The following PSMD1 variants were observed in gnomAD, a reference collection of about 807,000 sequenced individuals.
PSMD1 encodes proteasome 26S subunit, non-ATPase 1.
Under a neutral mutation model 119.0 loss-of-function variants are expected in PSMD1, and 18 were observed. The ratio of observed to expected loss-of-function variants is 0.15; its 90% CI spans 0.10 to 0.22. PSMD1 has a LOEUF of 0.22. Among genes scored for constraint, PSMD1 ranks in the 10% least tolerant of loss-of-function variants. PSMD1 has a pLI of 1.00. For missense variants in PSMD1, 702 were observed against 1,158.5 expected, an observed-to-expected ratio of 0.61 and a Z score of 5.72; for synonymous variants, 374 against 396.6, an observed-to-expected ratio of 0.94 and a Z score of 0.68.
intron 4 of PSMD1, among the ~76,000 whole-genome samples, chr2:231,065,083 A>T (rs948551788): frequency 1.3e-5 from 2 of 148,238 alleles, no homozygotes; most frequent in Admixed American, 1.4e-4. Context: ...AACCCGGGTC[A>T]TCTAGTAGGC....
chr2:231,108,717 A>G, intron 16 of PSMD1: 1 of 1,614,120 alleles, frequency 6.2e-7, no homozygotes, highest in Non-Finnish European at 8.5e-7. Context: ...TTCCGGAAGT[A>G]GATCTTACTG....
chr2:231,108,974 AAC>A (rs1424793179), intron 16 of PSMD1: 8 of 1,614,192 alleles, frequency 5.0e-6, no homozygotes, highest in Non-Finnish European at 6.8e-6. Context: ...AAAGAGGAAA[AAC>A]ACAATCCCTA....
At chr2:231,111,789 A>G (rs1226333761) in intron 16 of PSMD1, among the ~76,000 whole-genome samples, 1 of 152,230 alleles carries the variant, frequency 6.6e-6, no homozygotes, top group Non-Finnish European at 1.5e-5. Flanking sequence ...TACAAAAGGA[A>G]GAAGTGGATT....
intron 16 of PSMD1, among the ~76,000 whole-genome samples, chr2:231,115,657 T>C (rs1213841706): frequency 6.6e-6 from 1 of 152,082 alleles, no homozygotes; most frequent in Non-Finnish European, 1.5e-5. Context: ...ACCTTAGAGA[T>C]TACCATTGAT....
At chr2:231,156,343 CATT>C (rs1220488892) in intron 19 of PSMD1, among the ~76,000 whole-genome samples, 1 of 152,054 alleles carries the variant, frequency 6.6e-6, no homozygotes, top group East Asian at 1.9e-4. Flanking sequence ...AATATTGACA[CATT>C]ATTATTAACT....
chr2:231,135,783 T>C (rs996107526), intron 16 of PSMD1, among the ~76,000 whole-genome samples: 8 of 152,312 alleles, frequency 5.3e-5, no homozygotes, highest in Middle Eastern at 3.4e-3. Context: ...ATACTGTTTT[T>C]CCCATACTGT....
At chr2:231,114,037 AT>A in intron 16 of PSMD1, 1 of 828,744 alleles carries the variant, frequency 1.2e-6, no homozygotes, top group South Asian at 1.4e-5. Context: ...CTCATCTGAA[AT>A]TTTATAACTT....
intron 16 of PSMD1, among the ~76,000 whole-genome samples, chr2:231,106,054 A>T (rs986573712): frequency 4.0e-4 from 56 of 140,514 alleles, no homozygotes; most frequent in Non-Finnish European, 6.1e-4. Context: ...CTAAATAGTT[A>T]TAATCTGTTC....
At position 231,077,181 on chromosome 2, in the gene PSMD1, A is replaced by C; in HGVS notation, c.1071+19A>C. ...CACAAAGGTAAGAAATTCATCAATAATAGAGGATTTTAAAAAATATTTAGT... is the reference window on the plus strand; with the variant it reads ...CACAAAGGTAAGAAATTCATCAATACTAGAGGATTTTAAAAAATATTTAGT... On this transcript the variant is annotated intron_variant, in intron 9 of 24. Coordinates refer to ENST00000308696, the MANE Select transcript of PSMD1 (RefSeq NM_002807.4). 2 of 1,426,340 alleles carry C rather than the reference A, an allele frequency of 1.4e-6. No homozygotes were observed. The highest frequency in any genetic ancestry group is 1.9e-6 in the Non-Finnish European group (2 of 1,063,334). The allele number at this position is 1,426,340 out of a possible 1,614,324, so 88.4% of individuals were successfully genotyped here.
intron 16 of PSMD1, among the ~76,000 whole-genome samples, chr2:231,118,809 A>G (rs1029950068): frequency 6.6e-6 from 1 of 152,204 alleles, no homozygotes; most frequent in African/African-American, 2.4e-5. Context: ...GTAAAAGACT[A>G]TTTTTAAAGG....
chr2:231,108,698 G>A lies in PSMD1; in HGVS notation c.1883+21517G>A, dbSNP rs1206334857. 3 of 1,614,082 alleles carry A rather than the reference G, an allele frequency of 1.9e-6. No homozygotes were observed. In the Admixed American group the frequency reaches 5.0e-5, roughly 27 times the overall value. ...TTTCTTGAAAAACTTAGAGTTCTCT[G>A]CCATTGGATTCCGGAAGTAGATCTT... On this transcript the variant is annotated intron_variant, in intron 16 of 24. Transcript: ENST00000308696.
At chr2:231,113,987 T>C in intron 16 of PSMD1, 4 of 1,412,360 alleles carry the variant, frequency 2.8e-6, no homozygotes, top group Non-Finnish European at 4.0e-6. Context: ...ACTTTCAGTC[T>C]ACAGTTTTTC....
chr2:231,098,953 T>C (rs1694798646), intron 16 of PSMD1, among the ~76,000 whole-genome samples: 1 of 152,168 alleles, frequency 6.6e-6, no homozygotes, highest in Non-Finnish European at 1.5e-5. Flanking sequence ...ATTCTGAATA[T>C]CTTTTTTACA....
intron 6 of PSMD1, 107 bp from the exon 7 acceptor site, chr2:231,072,082 C>A: frequency 1.1e-6 from 1 of 874,230 alleles, no homozygotes; most frequent in Non-Finnish European, 1.8e-6. Flanking sequence ...CCCTAGTTTG[C>A]CTGTGCTTAT....
intron 21 of PSMD1, 29 bp downstream of exon 21, chr2:231,163,756 T>C: frequency 2.0e-6 from 3 of 1,517,416 alleles, no homozygotes; most frequent in Non-Finnish European, 1.8e-6. Flanking sequence ...TTAGCAGCAT[T>C]TGTACTTAAA....
At position 231,062,558 on chromosome 2, in the gene PSMD1, G is replaced by A; in HGVS notation, c.187G>A (p.Val63Met). 6.2e-7 allele frequency: 1 copy of A among 1,610,982 alleles called. No individual in the cohort carries two copies. The highest frequency in any genetic ancestry group is 8.5e-7 in the Non-Finnish European group (1 of 1,179,220). ...GFRSRQFAAL[V>M]ASKVFYHLGA... Reference sequence around the variant, plus strand: ...CCGGAGTCGGCAGTTTGCAGCCTTAGTGGCATCTAAAGTATTTTATCACCT... The same window carrying A: ...CCGGAGTCGGCAGTTTGCAGCCTTAATGGCATCTAAAGTATTTTATCACCT... The change falls in exon 4 of 25, where the codon GTG becomes ATG. Residue 63 changes from valine (V) to methionine (M), a missense_variant. Val to Met is a conservative substitution (Grantham distance 21, BLOSUM62 1). Around this residue, in one of 9 missense-constraint regions of PSMD1, gnomAD observed 60 missense variants for 118.2 expected, o/e 0.51. Transcript: ENST00000308696.
At position 231,085,125 on chromosome 2, in the gene PSMD1, T is replaced by C. The variant is rs763218725; in HGVS notation, c.1818+11T>C. 1.8e-5 allele frequency: 29 copies of C among 1,606,798 alleles called. No individual in the cohort carries two copies. Among genetic ancestry groups the C allele is most frequent in the Non-Finnish European group, 2.4e-5 (28 of 1,173,462 alleles). ...CTGCTACATGTTGCTGTAAGTACTC[T>C]GACCTTTCTTGGGAATGGGGTGGAC... On this transcript the variant is annotated intron_variant, in intron 15 of 24. Coordinates refer to ENST00000308696, the MANE Select transcript of PSMD1 (RefSeq NM_002807.4).
At chr2:231,148,761 T>C (rs1230828929) in intron 18 of PSMD1, among the ~76,000 whole-genome samples, 1 of 152,204 alleles carries the variant, frequency 6.6e-6, no homozygotes, top group Non-Finnish European at 1.5e-5. Flanking sequence ...ATTAAGCAAG[T>C]GATAAAGAAT....
In PSMD1 at chr2:231,070,015, T is replaced by C. The variant is rs1240142955; in HGVS notation, c.511-10T>C. The C allele has an allele frequency of 7.1e-7, 1 of 1,416,702 alleles. No homozygotes were observed. The highest frequency in any genetic ancestry group is 2.6e-5 in the Admixed American group (1 of 37,812). 87.8% of individuals were successfully genotyped at this position (1,416,702 alleles called of 1,614,324 possible). ...CAGATAACGTTATATCTTTAAACTA[T>C]CTCTTTCAGAATGATGTCCCAGGAA... On this transcript the variant is annotated splice_polypyrimidine_tract_variant and intron_variant, in intron 5 of 24. Transcript: ENST00000308696.
Sources: gnomAD v4.1 joint callset for allele counts (sites outside exome capture counted in the v4.1 genomes callset) on GRCh38, gnomAD v4.1.1 for gene constraint, gnomAD v4.1.1 regional missense constraint, MANE v1.5 for transcripts, NCBI Gene and HGNC (gene_info 2026-07-23, HGNC 2026-07-21) for gene names.